The following UNC13C variants were observed in gnomAD, a reference collection of about 807,000 sequenced individuals.
UNC13C encodes the protein unc-13 homolog C.
Under a neutral mutation model 245.4 loss-of-function variants are expected in UNC13C, and 174 were observed. The observed-to-expected ratio is 0.71, with a 90% CI of 0.63 to 0.80. The LOEUF (loss-of-function observed/expected upper bound fraction) is 0.80, where lower values mean the gene tolerates loss of function less well. UNC13C is among the 30% of genes least tolerant of loss of function. The probability of loss-of-function intolerance (pLI) is 0.00; values close to 1 mark genes in which losing one functional copy is unlikely to be tolerated. For missense variants in UNC13C, 2,829 were observed against 2,602.9 expected (o/e 1.09, Z -1.89); for synonymous variants, 992 against 895.1 (o/e 1.11, Z -1.93).
intron 27 of UNC13C, among the ~76,000 whole-genome samples, chr15:54,548,976 A>C (rs1018597269): frequency 4.6e-5 from 7 of 152,174 alleles, no homozygotes; most frequent in African/African-American, 1.7e-4. Flanking sequence ...CATCTAGATA[A>C]CATTTGTTCA....
chr15:53,966,490 C>A, the UNC13C span, among the ~76,000 whole-genome samples: 4,489 of 152,168 alleles, frequency 0.03, 89 homozygotes, highest in South Asian at 0.059. Flanking sequence ...ACTCTTTATC[C>A]TTGAAGGTGA....
chr15:54,025,468 A>T (rs1394715425), intron 2 of UNC13C, among the ~76,000 whole-genome samples: 1 of 152,190 alleles, frequency 6.6e-6, no homozygotes, highest in African/African-American at 2.4e-5. Context: ...ATTATATTTG[A>T]CTTCATTTTA....
At chr15:54,028,898 C>T (rs1015549003) in intron 2 of UNC13C, among the ~76,000 whole-genome samples, 10 of 152,050 alleles carry the variant, frequency 6.6e-5, no homozygotes, top group Admixed American at 5.2e-4. Context: ...GCTCCATTTC[C>T]TCACTTAAAA....
intron 19 of UNC13C, among the ~76,000 whole-genome samples, chr15:54,463,499 G>A (rs71474875): frequency 6.6e-6 from 1 of 151,698 alleles, no homozygotes. Flanking sequence ...AACCCACTGG[G>A]AGGAATGAGC....
chr15:54,582,185 GA>G (rs1254588347), intron 30 of UNC13C, among the ~76,000 whole-genome samples: 8 of 152,166 alleles, frequency 5.3e-5, no homozygotes, highest in Non-Finnish European at 1.0e-4. Flanking sequence ...CAGGAATGGA[GA>G]AAAGGGATGA....
At chr15:54,566,796 G>A (rs1025836382) in intron 29 of UNC13C, among the ~76,000 whole-genome samples, 1 of 152,048 alleles carries the variant, frequency 6.6e-6, no homozygotes, top group African/African-American at 2.4e-5. Flanking sequence ...TAAGGAGTGG[G>A]AAAGAAGAAT....
chr15:53,865,437 G>A, the UNC13C span, among the ~76,000 whole-genome samples: 2 of 152,128 alleles, frequency 1.3e-5, no homozygotes, highest in African/African-American at 4.8e-5. Context: ...CATTGAGTCC[G>A]ACTTGACCTT....
At chr15:54,570,113 C>T (rs575372148) in intron 30 of UNC13C, among the ~76,000 whole-genome samples, 7 of 152,260 alleles carry the variant, frequency 4.6e-5, no homozygotes, top group Admixed American at 1.3e-4. Context: ...ATGGTTGCAT[C>T]CAAACGCTGG....
the UNC13C span, chr15:53,948,466 T>A: frequency 6.6e-6 from 1 of 151,948 alleles, no homozygotes; most frequent in Non-Finnish European, 1.5e-5. Flanking sequence ...AATACAAAAT[T>A]AGCTGGGTGT....
chr15:53,849,487 T>C, the UNC13C span, among the ~76,000 whole-genome samples: 2 of 152,144 alleles, frequency 1.3e-5, no homozygotes, highest in African/African-American at 4.8e-5. Context: ...AAGTCCATTC[T>C]ACTTTTTAGA....
intron 2 of UNC13C, among the ~76,000 whole-genome samples, chr15:54,057,917 A>G (rs891847161): frequency 6.6e-6 from 1 of 152,168 alleles, no homozygotes; most frequent in Non-Finnish European, 1.5e-5. Context: ...AACCAACAAG[A>G]ACAAAGACAC....
chr15:53,941,206 T>A, the UNC13C span, among the ~76,000 whole-genome samples: 1 of 152,146 alleles, frequency 6.6e-6, no homozygotes, highest in Non-Finnish European at 1.5e-5. Flanking sequence ...GAGAAAATGA[T>A]CCCCTATTTA....
chr15:54,293,178 C>A (rs1022323271), intron 10 of UNC13C, among the ~76,000 whole-genome samples: 1 of 151,800 alleles, frequency 6.6e-6, no homozygotes, highest in Non-Finnish European at 1.5e-5. Flanking sequence ...AAGTGATATA[C>A]ATCAGTTTAC....
the UNC13C span, among the ~76,000 whole-genome samples, chr15:53,889,012 A>G: frequency 2.6e-5 from 4 of 152,140 alleles, no homozygotes; most frequent in African/African-American, 9.7e-5. Context: ...CTTTTTGCTT[A>G]GGACTGTCTT....
intron 2 of UNC13C, among the ~76,000 whole-genome samples, chr15:54,066,542 C>T (rs1426390599): frequency 1.3e-5 from 2 of 152,182 alleles, no homozygotes; most frequent in Admixed American, 6.5e-5. Context: ...TCATTCAGCT[C>T]TCAACCCCAC....
intron 11 of UNC13C, among the ~76,000 whole-genome samples, chr15:54,295,960 A>C (rs1222047781): frequency 6.6e-6 from 1 of 152,074 alleles, no homozygotes; most frequent in Non-Finnish European, 1.5e-5. Flanking sequence ...CAAATAACCT[A>C]TTTCTATTCT....
At chr15:54,193,299 A>G (rs996880635) in intron 4 of UNC13C, among the ~76,000 whole-genome samples, 1 of 152,208 alleles carries the variant, frequency 6.6e-6, no homozygotes, top group African/African-American at 2.4e-5. Flanking sequence ...ACCATGTGAT[A>G]TGCTTGGAGA....
At chr15:53,965,673 G>A in the UNC13C span, among the ~76,000 whole-genome samples, 3 of 151,560 alleles carry the variant, frequency 2.0e-5, no homozygotes, top group Non-Finnish European at 4.4e-5. Context: ...CCACTAACTC[G>A]TCATCTAGCA....
intron 14 of UNC13C, among the ~76,000 whole-genome samples, chr15:54,325,764 G>A (rs939999187): frequency 6.6e-6 from 1 of 152,032 alleles, no homozygotes; most frequent in Non-Finnish European, 1.5e-5. Flanking sequence ...CTGAAAGAAA[G>A]CGTGAAATTG....
Sources: gnomAD v4.1 joint callset for allele counts (sites outside exome capture counted in the v4.1 genomes callset) on GRCh38, gnomAD v4.1.1 for gene constraint, MANE v1.5 for transcripts, NCBI Gene and HGNC (gene_info 2026-07-23, HGNC 2026-07-21) for gene names.